WRNIP1: variants seen among roughly 807,000 people sequenced by gnomAD.
WRNIP1 encodes the protein ATPase WRNIP1.
In WRNIP1, 41 loss-of-function variants were observed where a neutral mutation model predicts 56.1. The ratio of observed to expected loss-of-function variants is 0.73; its 90% CI spans 0.57 to 0.95. The LOEUF (loss-of-function observed/expected upper bound fraction) is 0.95, where lower values mean the gene tolerates loss of function less well. Among genes scored for constraint, WRNIP1 ranks in the 40% least tolerant of loss-of-function variants. WRNIP1 has a pLI of 0.00. For missense variants in WRNIP1, 1,170 were observed against 939.4 expected (o/e 1.25, Z -3.21); for synonymous variants, 547 against 398.1 (o/e 1.37, Z -4.45).
intron 1 of WRNIP1, among the ~76,000 whole-genome samples, chr6:2,768,419 C>T (rs1261518493): frequency 6.6e-6 from 1 of 152,150 alleles, no homozygotes; most frequent in African/African-American, 2.4e-5. Flanking sequence ...TAAAGAGTCA[C>T]CCAAAAAGGA....
In WRNIP1 at chr6:2,766,517, G is replaced by A; in HGVS notation, c.822+73G>A. The A allele has an allele frequency of 8.4e-6, 12 of 1,431,788 alleles. No homozygotes were observed. The South Asian group carries it at 1.6e-4, about 19-fold the overall frequency. The allele number at this position is 1,431,788 out of a possible 1,614,324, so 88.7% of individuals were successfully genotyped here. ...GATGCAGCTGATGGTCGGAGAGCCGGGTGTGCTGCCCTCGAAAGAAGCCGC... is the reference window on the plus strand; with the variant it reads ...GATGCAGCTGATGGTCGGAGAGCCGAGTGTGCTGCCCTCGAAAGAAGCCGC... On this transcript the variant is annotated intron_variant, in intron 1 of 6. Transcript: ENST00000380773.
At position 2,783,501 on chromosome 6, in the gene WRNIP1, G is replaced by A. The variant is rs754614336; in HGVS notation, c.1582G>A (p.Gly528Arg). The A allele has an allele frequency of 1.8e-5, 29 of 1,613,888 alleles. No homozygotes were observed. The highest frequency in any genetic ancestry group is 2.5e-5 in the Non-Finnish European group (29 of 1,179,982). ...SLYWLARMLE[G>R]GEDPLYVARR... ...CTACTGGCTGGCTCGCATGCTCGAG[G>A]GAGGAGAGGACCCACTCTACGTGGC... Residue 528 changes from glycine to arginine, a missense_variant, in exon 5 of 7, where the codon GGA becomes AGA. Gly to Arg is a moderately radical substitution (Grantham distance 125, BLOSUM62 -2). Transcript: ENST00000380773.
In WRNIP1 at chr6:2,768,897, T is replaced by A; in HGVS notation, c.1014+15T>A. 6.3e-7 allele frequency: 1 copy of A among 1,595,806 alleles called. No homozygotes were observed. The highest frequency in any genetic ancestry group is 8.5e-7 in the Non-Finnish European group (1 of 1,170,200). On this transcript the variant is annotated intron_variant, in intron 2 of 6. Transcript: ENST00000380773. ...AATCTCAGCAGGTATATTAACTTCC[T>A]TCTACCTTTTGGTCGTTGTGAACAT... is the stretch of plus-strand genomic sequence containing the variant.
chr6:2,784,821 G>A (rs160702), intron 6 of WRNIP1, among the ~76,000 whole-genome samples, 186 bp from the exon 7 acceptor site: 34,150 of 151,890 alleles, frequency 0.22, 4,346 homozygotes, highest in South Asian at 0.33. Flanking sequence ...TTTGCCTCTC[G>A]TTTCACCTCA....
intron 3 of WRNIP1, among the ~76,000 whole-genome samples, chr6:2,775,565 A>G (rs1765411863): frequency 6.6e-6 from 1 of 152,154 alleles, no homozygotes; most frequent in South Asian, 2.1e-4. Flanking sequence ...TAACAGGTAC[A>G]TTTTTACTTA....
chr6:2,773,639 A>G (rs1277592636), intron 3 of WRNIP1: 1 of 985,266 alleles, frequency 1.0e-6, no homozygotes, highest in Non-Finnish European at 1.2e-6. Flanking sequence ...ATGATTCATG[A>G]TACGAAGAAT....
chr6:2,766,807 A>C (rs959214883), intron 1 of WRNIP1, among the ~76,000 whole-genome samples: 1 of 149,288 alleles, frequency 6.7e-6, no homozygotes, highest in Non-Finnish European at 1.5e-5. Context: ...AGGAATCAGC[A>C]TGTTTAAATT....
intron 1 of WRNIP1, among the ~76,000 whole-genome samples, chr6:2,767,949 C>T (rs943856450): frequency 6.6e-6 from 1 of 152,186 alleles, no homozygotes; most frequent in Non-Finnish European, 1.5e-5. Flanking sequence ...AAAGTACCAC[C>T]TTTCCATTTA....
chr6:2,775,682 G>A (rs1053998193), intron 3 of WRNIP1, among the ~76,000 whole-genome samples: 1 of 152,196 alleles, frequency 6.6e-6, no homozygotes, highest in Non-Finnish European at 1.5e-5. Context: ...CCTGGAAGAG[G>A]AAAGAAGAGA....
chr6:2,775,731 A>G (rs554968887), intron 3 of WRNIP1, among the ~76,000 whole-genome samples: 1 of 152,352 alleles, frequency 6.6e-6, no homozygotes, highest in Admixed American at 6.5e-5. Context: ...AGCCCTTCTC[A>G]TCAGTTGGAG....
intron 6 of WRNIP1, 40 bp from the exon 7 acceptor site, chr6:2,784,967 G>T (rs761549307): frequency 6.2e-7 from 1 of 1,607,000 alleles, no homozygotes; most frequent in South Asian, 1.1e-5. Context: ...CAGAAGCTTG[G>T]CATCTTGCTA....
chr6:2,783,849 A>T (rs1765642250), intron 5 of WRNIP1, among the ~76,000 whole-genome samples: 1 of 152,080 alleles, frequency 6.6e-6, no homozygotes, highest in Admixed American at 6.5e-5. Flanking sequence ...GGCTATTCAG[A>T]GTATTGCAAT....
intron 3 of WRNIP1, among the ~76,000 whole-genome samples, chr6:2,770,568 C>T (rs1416547883): frequency 6.6e-6 from 1 of 152,188 alleles, no homozygotes; most frequent in Non-Finnish European, 1.5e-5. Context: ...CATTTTCCAG[C>T]CTCTAATATG....
At chr6:2,777,788 G>A (rs184952308) in intron 3 of WRNIP1, among the ~76,000 whole-genome samples, 311 of 152,210 alleles carry the variant, frequency 2.0e-3, no homozygotes, top group East Asian at 0.015. Flanking sequence ...ACATGGCCTC[G>A]GTGTTTGTTT....
At chr6:2,772,757 A>G (rs908573768) in intron 3 of WRNIP1, among the ~76,000 whole-genome samples, 4 of 152,174 alleles carry the variant, frequency 2.6e-5, no homozygotes, top group African/African-American at 9.7e-5. Flanking sequence ...CTGCCACCCC[A>G]ACTGTCAGGG....
rs1202180148 is a variant in WRNIP1, at chr6:2,785,538, A to G, written c.*256A>G. On this transcript the variant is annotated 3_prime_UTR_variant, in exon 7 of 7. Transcript: ENST00000380773. ...CAGCTTTGTGCAATGAATTAATGTT[A>G]TAAGGAATTATCTATTTTGTCATAG... 4.2e-6 allele frequency: 2 copies of G among 481,376 alleles called. No homozygotes were observed. Among genetic ancestry groups the G allele is most frequent in the East Asian group, 3.5e-5 (1 of 28,854 alleles). The allele number at this position is 481,376 out of a possible 1,614,324, so 29.8% of individuals were successfully genotyped here.
At position 2,786,329 on chromosome 6, in the gene WRNIP1, C is replaced by T. The variant is rs17135727; in HGVS notation, c.*1047C>T. On this transcript the variant is annotated 3_prime_UTR_variant, in exon 7 of 7. Transcript: ENST00000380773. ...TCCATCCCGCCTTACTGGTTTATTC[C>T]GCTATTTCAGTGCAACCCATCCTCT... 0.26 allele frequency: 39,180 copies of T among 152,234 alleles called. 5,176 individuals are homozygous for T. Among genetic ancestry groups the T allele is most frequent in the African/African-American group, 0.27 (11,405 of 41,494 alleles). 9.4% of individuals were successfully genotyped at this position (152,234 alleles called of 1,614,324 possible).
At chr6:2,770,036 A>G in intron 2 of WRNIP1, 84 bp from the exon 3 acceptor site, 1 of 1,570,592 alleles carries the variant, frequency 6.4e-7, no homozygotes. Context: ...GAGGAAAAGG[A>G]AGGAAGGGAT....
In WRNIP1 at chr6:2,783,388, T is replaced by G. The variant is rs752718367; in HGVS notation, c.1487-18T>G. The G allele has an allele frequency of 6.4e-7, 1 of 1,571,886 alleles. No individual in the cohort carries two copies. Among genetic ancestry groups the G allele is most frequent in the Non-Finnish European group, 8.7e-7 (1 of 1,153,358 alleles). On this transcript the variant is annotated intron_variant, in intron 4 of 6. Coordinates refer to ENST00000380773, the MANE Select transcript of WRNIP1 (RefSeq NM_020135.3). ...CCTCCTGTGAGCTCTGTGTGAGTGG[T>G]GCTCTTTGTGATGTCAGGTGAGGAG...
Sources: gnomAD v4.1 joint callset for allele counts (sites outside exome capture counted in the v4.1 genomes callset) on GRCh38, gnomAD v4.1.1 for gene constraint, MANE v1.5 for transcripts, NCBI Gene and HGNC (gene_info 2026-07-23, HGNC 2026-07-21) for gene names.